The following PIP4K2A variants were observed in gnomAD, a reference collection of about 807,000 sequenced individuals.
PIP4K2A encodes phosphatidylinositol-5-phosphate 4-kinase type 2 alpha, also known as phosphatidylinositol 5-phosphate 4-kinase type-2 alpha.
A neutral mutation model predicts 42.9 loss-of-function variants in PIP4K2A; 14 were observed. The observed-to-expected ratio is 0.33, with a 90% CI of 0.22 to 0.51. The LOEUF (loss-of-function observed/expected upper bound fraction) is 0.51. Ranked by LOEUF, PIP4K2A falls within the 20% of genes least tolerant of loss-of-function variation. The probability of loss-of-function intolerance (pLI) is 0.97; values close to 1 mark genes in which losing one functional copy is unlikely to be tolerated. For missense variants in PIP4K2A, 434 were observed against 519.8 expected, an observed-to-expected ratio of 0.83 and a Z score of 1.61; for synonymous variants, 192 against 192.2, an observed-to-expected ratio of 1.00 and a Z score of 0.01.
At chr10:22,695,546 T>C (rs1839952183) in intron 1 of PIP4K2A, among the ~76,000 whole-genome samples, 1 of 152,190 alleles carries the variant, frequency 6.6e-6, no homozygotes, top group Non-Finnish European at 1.5e-5. Flanking sequence ...AAAAATCCCC[T>C]ATATGAAGAG....
chr10:22,554,142 A>T (rs898214404), intron 6 of PIP4K2A, among the ~76,000 whole-genome samples: 2 of 152,168 alleles, frequency 1.3e-5, no homozygotes, highest in African/African-American at 4.8e-5. Context: ...CCCTACCTCA[A>T]AAACAAAAAG....
In PIP4K2A at chr10:22,541,798, A is replaced by G; in HGVS notation, c.1036+6T>C. 2 of 1,538,914 alleles carry G rather than the reference A, an allele frequency of 1.3e-6. No homozygotes were observed. The highest frequency in any genetic ancestry group is 2.6e-5 in the South Asian group (2 of 77,426). ...TGCAAAAAGGGTCCACAGTAATCAA[A>G]CTTACTTTCATGGCACTTAATTCCA... On this transcript the variant is annotated splice_donor_region_variant and intron_variant, in intron 8 of 9. Coordinates refer to ENST00000376573, the MANE Select transcript of PIP4K2A (RefSeq NM_005028.5).
At chr10:22,611,904 CT>C (rs1443765321) in intron 1 of PIP4K2A, among the ~76,000 whole-genome samples, 1 of 152,176 alleles carries the variant, frequency 6.6e-6, no homozygotes, top group Non-Finnish European at 1.5e-5. Context: ...GGATCAGACA[CT>C]GATTATTTAA....
chr10:22,563,924 C>G (rs561093132), intron 6 of PIP4K2A, among the ~76,000 whole-genome samples: 1 of 152,042 alleles, frequency 6.6e-6, no homozygotes, highest in Non-Finnish European at 1.5e-5. Flanking sequence ...AAGCCTACCC[C>G]CTAGGGAGAT....
chr10:22,542,254 AG>A (rs1265644120), intron 7 of PIP4K2A, among the ~76,000 whole-genome samples: 1 of 151,730 alleles, frequency 6.6e-6, no homozygotes, highest in Non-Finnish European at 1.5e-5. Flanking sequence ...CTCAGAGCTC[AG>A]GCTGTTTACC....
chr10:22,675,583 C>A (rs761836986), intron 1 of PIP4K2A, among the ~76,000 whole-genome samples: 11 of 152,128 alleles, frequency 7.2e-5, no homozygotes, highest in Non-Finnish European at 1.2e-4. Flanking sequence ...GAGTGAGACT[C>A]CGTCTCAAAA....
At chr10:22,586,776 C>T (rs553415695) in intron 4 of PIP4K2A, among the ~76,000 whole-genome samples, 1 of 152,250 alleles carries the variant, frequency 6.6e-6, no homozygotes, top group African/African-American at 2.4e-5. Context: ...GGTGATCCAC[C>T]CACCTCGGCC....
At chr10:22,702,131 A>C (rs2130917736) in intron 1 of PIP4K2A, among the ~76,000 whole-genome samples, 1 of 152,388 alleles carries the variant, frequency 6.6e-6, no homozygotes, top group South Asian at 2.1e-4. Context: ...CTTTATCTTA[A>C]GACTTGAAGA....
intron 5 of PIP4K2A, chr10:22,569,068 A>G (rs1378325358): frequency 1.3e-6 from 2 of 1,531,780 alleles, no homozygotes; most frequent in African/African-American, 1.4e-5. Context: ...CAAAGAAATC[A>G]AAATTTTTGA....
At chr10:22,634,918 A>C (rs912264697) in intron 1 of PIP4K2A, among the ~76,000 whole-genome samples, 2 of 152,182 alleles carry the variant, frequency 1.3e-5, no homozygotes, top group African/African-American at 4.8e-5. Context: ...AATTTCTATA[A>C]AACCTGGGTC....
At chr10:22,643,449 G>A (rs1032199394) in intron 1 of PIP4K2A, among the ~76,000 whole-genome samples, 1 of 151,986 alleles carries the variant, frequency 6.6e-6, no homozygotes, top group Non-Finnish European at 1.5e-5. Context: ...ATCTGTCTTA[G>A]GAAGGCAGAT....
chr10:22,610,528 G>A (rs746361130), intron 1 of PIP4K2A, among the ~76,000 whole-genome samples: 1 of 151,506 alleles, frequency 6.6e-6, no homozygotes, highest in Non-Finnish European at 1.5e-5. Flanking sequence ...AGGATTCTCA[G>A]TTACAAAAAC....
chr10:22,607,413 C>T (rs1275658829), intron 3 of PIP4K2A, among the ~76,000 whole-genome samples: 1 of 152,188 alleles, frequency 6.6e-6, no homozygotes, highest in Non-Finnish European at 1.5e-5. Context: ...GTGCTGACCA[C>T]AGTGCTATGG....
intron 3 of PIP4K2A, chr10:22,607,700 AAAGT>A: frequency 3.2e-6 from 1 of 310,272 alleles, no homozygotes; most frequent in East Asian, 5.8e-5. Context: ...CTTCCAAAGA[AAAGT>A]AATATATTTT....
chr10:22,617,014 A>T (rs943765681), intron 1 of PIP4K2A, among the ~76,000 whole-genome samples: 3 of 152,260 alleles, frequency 2.0e-5, no homozygotes, highest in Middle Eastern at 3.2e-3. Context: ...TATAATTAAC[A>T]CAAAACACAG....
At chr10:22,631,862 CA>C (rs1367980351) in intron 1 of PIP4K2A, among the ~76,000 whole-genome samples, 2 of 152,168 alleles carry the variant, frequency 1.3e-5, no homozygotes, top group East Asian at 3.9e-4. Flanking sequence ...CAAAGGGAAA[CA>C]ACAGTGACTT....
In PIP4K2A at chr10:22,632,785, G is replaced by A. The variant is rs562510832; in HGVS notation, c.145-23068C>T. Among the ~76,000 whole-genome samples, 17 of 152,276 alleles carry A rather than the reference G, an allele frequency of 1.1e-4. No homozygotes were observed. The South Asian group carries it at 3.3e-3, about 30-fold the overall frequency. On this transcript the variant is annotated intron_variant, in intron 1 of 9. Coordinates refer to ENST00000376573, the MANE Select transcript of PIP4K2A (RefSeq NM_005028.5). ...GGGGAAAAAAGGTAGGGGGAAATAG[G>A]ACATAATATATTCTTGACTCTCTTA...
Position 22,541,885 on chromosome 10 carries a change from T to C in PIP4K2A, c.955A>G (p.Asn319Asp). Residue 319 changes from asparagine (N) to aspartate (D), a missense_variant, in exon 8 of 10, where the codon AAT becomes GAT. Asn to Asp is a conservative substitution (Grantham distance 23, BLOSUM62 1). Transcript: ENST00000376573. Reference sequence around the variant, plus strand: ...AGGGGTGGTGAGCTGTTCAGTGTATTCCCGGGGCTATCTGGGGGGGTTCCC... The same window carrying C: ...AGGGGTGGTGAGCTGTTCAGTGTATCCCCGGGGCTATCTGGGGGGGTTCCC... ...PVGTPPDSPG[N>D]TLNSSPPLAP... 1 of 1,613,214 alleles carries C rather than the reference T, an allele frequency of 6.2e-7. No individual in the cohort carries two copies. Among genetic ancestry groups the C allele is most frequent in the Non-Finnish European group, 8.5e-7 (1 of 1,179,466 alleles).
chr10:22,540,189 C>G (rs534663714), intron 8 of PIP4K2A, 115 bp from the exon 9 acceptor site: 1 of 708,056 alleles, frequency 1.4e-6, no homozygotes, highest in South Asian at 1.6e-5. Flanking sequence ...TTCAATGGAA[C>G]GCGGATGGAA....
Sources: gnomAD v4.1 joint callset for allele counts (sites outside exome capture counted in the v4.1 genomes callset) on GRCh38, gnomAD v4.1.1 for gene constraint, MANE v1.5 for transcripts, NCBI Gene and HGNC (gene_info 2026-07-23, HGNC 2026-07-21) for gene names.